Variants in MIOS observed in about 807,000 individuals in gnomAD.
MIOS encodes the protein meiosis regulator for oocyte development.
A neutral mutation model predicts 96.9 loss-of-function variants in MIOS; 52 were observed. The observed-to-expected ratio is 0.54, with a 90% CI of 0.43 to 0.68. The LOEUF is 0.68. MIOS is among the 30% of genes least tolerant of loss of function. The pLI is 0.00. For synonymous variants in MIOS, 397 were observed against 359.5 expected, an observed-to-expected ratio of 1.10 and a Z score of -1.18; for missense variants, 1,005 against 1,052.8, an observed-to-expected ratio of 0.95 and a Z score of 0.63.
chr7:7,604,228 AAAT>A (rs1233074483), intron 11 of MIOS, among the ~76,000 whole-genome samples: 1 of 152,166 alleles, frequency 6.6e-6, no homozygotes, highest in African/African-American at 2.4e-5. Flanking sequence ...ATTTAAAAAA[AAAT>A]AAAGTGCTGG....
chr7:7,584,809 A>G (rs17151573), intron 6 of MIOS, among the ~76,000 whole-genome samples: 3,254 of 152,282 alleles, frequency 0.021, 94 homozygotes, highest in African/African-American at 0.074. Flanking sequence ...AACTTCGGTT[A>G]GAAGACTAGG....
At chr7:7,575,758 G>A (rs1331005823) in intron 5 of MIOS, among the ~76,000 whole-genome samples, 2 of 152,078 alleles carry the variant, frequency 1.3e-5, no homozygotes, top group African/African-American at 4.8e-5. Context: ...TATGTTTCTG[G>A]TGCACTAGAG....
At chr7:7,597,417 G>A (rs1784235047) in intron 11 of MIOS, among the ~76,000 whole-genome samples, 1 of 133,682 alleles carries the variant, frequency 7.5e-6, no homozygotes, top group Non-Finnish European at 1.6e-5. Context: ...CAGGTCCCTT[G>A]ACTTCTAGAT....
intron 11 of MIOS, among the ~76,000 whole-genome samples, chr7:7,597,488 ATATATATATATATATATATATATATAT>A (rs1563040881): frequency 0.043 from 2,594 of 60,382 alleles, 427 homozygotes; most frequent in African/African-American, 0.1. Context: ...ATATATATAT[ATATATATATATATATATATATATATAT>A]ATGAAGGCAA....
chr7:7,571,763 G>C (rs1475062311), intron 3 of MIOS, among the ~76,000 whole-genome samples: 4 of 152,188 alleles, frequency 2.6e-5, no homozygotes, highest in Non-Finnish European at 5.9e-5. Context: ...GGTTCGTTCA[G>C]TACATTCCAG....
At chr7:7,600,191 A>C (rs960490335) in intron 11 of MIOS, among the ~76,000 whole-genome samples, 10 of 39,996 alleles carry the variant, frequency 2.5e-4, no homozygotes, top group Admixed American at 6.7e-4. Flanking sequence ...AAAGAAAAAG[A>C]AGCAAATTAT....
rs923898362 is a variant in MIOS, at chr7:7,608,226, G to A, written c.*1134G>A. 6.6e-6 allele frequency: 1 copy of A among 151,868 alleles called. No homozygotes were observed. Among genetic ancestry groups the A allele is most frequent in the African/African-American group, 2.4e-5 (1 of 41,362 alleles). The allele number at this position is 151,868 out of a possible 1,614,324, so 9.4% of individuals were successfully genotyped here. A position where few individuals can be genotyped will look rare whatever the true frequency, so the allele number is the denominator to read the frequency against. ...GAGAAATACAAAGAATTTACAAGAT[G>A]CTTCTCTGTCATCTGCCATATGCAG... On this transcript the variant is annotated 3_prime_UTR_variant, in exon 13 of 13. Coordinates refer to ENST00000340080, the MANE Select transcript of MIOS (RefSeq NM_019005.4).
At chr7:7,595,862 T>G (rs2115464312) in intron 10 of MIOS, among the ~76,000 whole-genome samples, 1 of 152,332 alleles carries the variant, frequency 6.6e-6, no homozygotes, top group East Asian at 1.9e-4. Context: ...TAACTCTCTT[T>G]GTCTTAGGAA....
Position 7,596,747 on chromosome 7 carries a change from C to A in MIOS, c.2401+286C>A, listed in dbSNP as rs530098078. On this transcript the variant is annotated intron_variant, in intron 11 of 12. Coordinates refer to ENST00000340080, the MANE Select transcript of MIOS (RefSeq NM_019005.4). The stretch of plus-strand genomic sequence containing the variant: ...TTAATATATTACCATTTTCTTATCA[C>A]TGTTTCCACTAAGAGGAGTTCGTTC... Among the ~76,000 whole-genome samples, 19 of 152,294 alleles carry A rather than the reference C, an allele frequency of 1.2e-4. No individual in the cohort carries two copies. The East Asian group carries it at 3.5e-3, about 28-fold the overall frequency.
chr7:7,574,780 C>T (rs1783473972), intron 5 of MIOS, among the ~76,000 whole-genome samples: 1 of 147,916 alleles, frequency 6.8e-6, no homozygotes, highest in Non-Finnish European at 1.5e-5. Flanking sequence ...TGACAAAAAC[C>T]AAACTTTTTT....
chr7:7,601,350 G>A lies in MIOS; in HGVS notation c.2402-4592G>A, dbSNP rs192075128. ...CAAGACTAATAAAGAAGAAAAGAGA[G>A]AAAAATCAAATAGACGCAATAAAAA... is the stretch of plus-strand genomic sequence containing the variant. On this transcript the variant is annotated intron_variant, in intron 11 of 12. Transcript: ENST00000340080. Among the ~76,000 whole-genome samples, 655 of 150,504 alleles carry A rather than the reference G, an allele frequency of 4.4e-3. 2 individuals carry two copies. The highest frequency in any genetic ancestry group is 0.015 in the African/African-American group (611 of 41,108).
At chr7:7,599,570 A>AC (rs1784310538) in intron 11 of MIOS, among the ~76,000 whole-genome samples, 1 of 152,210 alleles carries the variant, frequency 6.6e-6, no homozygotes, top group Admixed American at 6.5e-5. Flanking sequence ...CAGGTTGCAG[A>AC]CCAAGTGTAA....
At position 7,572,497 on chromosome 7, in the gene MIOS, A is replaced by G. The variant is rs1783387673; in HGVS notation, c.22A>G (p.Ile8Val). MSGTKPD[I>V]LWAPHHVDRF... ...AAACATGAGCGGTACCAAACCTGAT[A>G]TTTTATGGGCACCACACCATGTTGA... Residue 8 changes from isoleucine (I) to valine (V), a missense_variant, in exon 4 of 13, where the codon ATT (isoleucine) becomes GTT (valine). By Grantham distance (29) the Ile-to-Val change is conservative. Coordinates refer to ENST00000340080, the MANE Select transcript of MIOS (RefSeq NM_019005.4). This position sits in a 1 kb window ranked among gnomAD's most constrained non-coding sequence, Gnocchi z 4.8. The G allele has an allele frequency of 6.2e-7, 1 of 1,613,324 alleles. No individual in the cohort carries two copies. The highest frequency in any genetic ancestry group is 8.5e-7 in the Non-Finnish European group (1 of 1,179,394).
rs1583651859 is a variant in MIOS, at chr7:7,596,371, A to G, written c.2311A>G (p.Lys771Glu). The G allele has an allele frequency of 1.2e-6, 2 of 1,614,178 alleles. No individual in the cohort carries two copies. Among genetic ancestry groups the G allele is most frequent in the Admixed American group, 1.7e-5 (1 of 60,026 alleles). ...TGTGAGTGGCTCACCAACGAAATCTAAAGTCACAAGTTGTCCTGGCTGTCG... is the reference window on the plus strand; with the variant it reads ...TGTGAGTGGCTCACCAACGAAATCTGAAGTCACAAGTTGTCCTGGCTGTCG... ...YGVSGSPTKS[K>E]VTSCPGCRKP... Residue 771 changes from lysine (K) to glutamate (E), a missense_variant, in exon 11 of 13, where the codon AAA (lysine) becomes GAA (glutamate). Physicochemically the swap from Lys to Glu is moderately conservative, Grantham distance 56. Around this residue, in one of 3 missense-constraint regions of MIOS, gnomAD observed 865 missense variants for 887.9 expected, o/e 0.97. Coordinates refer to ENST00000340080, the MANE Select transcript of MIOS (RefSeq NM_019005.4).
rs117761453 is a variant in MIOS, at chr7:7,585,736, A to G, written c.1749A>G (p.Leu583=). 13,371 of 1,612,620 alleles carry G rather than the reference A, an allele frequency of 8.3e-3. 96 individuals carry two copies. Among genetic ancestry groups the G allele is most frequent in the Admixed American group, 0.025 (1,501 of 59,738 alleles). The stretch of plus-strand genomic sequence containing the variant: ...TGTGTAGCACACTGCGATTACAGCT[A>G]AATAACCCGTATTTGTGTGTCATGT... ...REMCSTLRLQ[L]NNPYLCVMFA... Residue 583 remains leucine, a synonymous_variant, in exon 7 of 13, where the codon CTA becomes CTG. Transcript: ENST00000340080.
chr7:7,583,217 G>C lies in MIOS; in HGVS notation c.1493G>C (p.Gly498Ala), dbSNP rs777468271. The change falls in exon 6 of 13, where the codon GGG becomes GCG. Residue 498 changes from glycine (G) to alanine (A), a missense_variant. Around this residue, in one of 3 missense-constraint regions of MIOS, gnomAD observed 865 missense variants for 887.9 expected, o/e 0.97. Transcript: ENST00000340080. The part of the protein sequence containing the change: ...EERILALQLC[G>A]WIKKGTDVDV... ...AGAATCTTAGCTTTACAGCTTTGTGGGTGGATAAAGAAAGGAACGGATGTA... is the reference window on the plus strand; with the variant it reads ...AGAATCTTAGCTTTACAGCTTTGTGCGTGGATAAAGAAAGGAACGGATGTA... The C allele has an allele frequency of 6.2e-7, 1 of 1,614,116 alleles. No individual in the cohort carries two copies. Among genetic ancestry groups the C allele is most frequent in the South Asian group, 1.1e-5 (1 of 91,078 alleles).
intron 5 of MIOS, among the ~76,000 whole-genome samples, chr7:7,576,947 A>G (rs150704227): frequency 2.6e-5 from 4 of 152,294 alleles, no homozygotes; most frequent in Non-Finnish European, 4.4e-5. Flanking sequence ...TAAGTATGTT[A>G]ATTAGGAATA....
intron 9 of MIOS, among the ~76,000 whole-genome samples, chr7:7,591,892 T>G (rs777512885): frequency 2.5e-4 from 38 of 152,176 alleles, no homozygotes; most frequent in Admixed American, 5.2e-4. Flanking sequence ...TTATTACATA[T>G]GTATTAAACC....
intron 7 of MIOS, among the ~76,000 whole-genome samples, chr7:7,586,988 C>CTTTTT (rs71988879): frequency 8.1e-6 from 1 of 123,052 alleles, no homozygotes; most frequent in African/African-American, 3.0e-5. Flanking sequence ...TTTTCTTTCC[C>CTTTTT]TTTTTTTTTT....
Sources: allele counts gnomAD v4.1 joint callset (sites outside exome capture counted in the v4.1 genomes callset), GRCh38; gene constraint gnomAD v4.1.1; regional missense constraint gnomAD v4.1.1; non-coding constraint Gnocchi (gnomAD v3.1); transcripts MANE v1.5; gene names NCBI Gene and HGNC (gene_info 2026-07-23, HGNC 2026-07-21).